The following FXR1 variants were observed in gnomAD, a reference collection of about 807,000 sequenced individuals.
FXR1 encodes FMR1 autosomal homolog 1.
FXR1 carries 15 observed loss-of-function variants against 84.0 expected under a neutral mutation model. That is an observed-to-expected ratio of 0.18 (90% confidence interval 0.12 to 0.27). The LOEUF (loss-of-function observed/expected upper bound fraction) is 0.27, where lower values mean the gene tolerates loss of function less well. Ranked by LOEUF, FXR1 falls within the 10% of genes least tolerant of loss-of-function variation. The pLI is 1.00. For missense variants in FXR1, 480 were observed against 774.4 expected (o/e 0.62, Z 4.51); for synonymous variants, 245 against 250.7 (o/e 0.98, Z 0.21).
At chr3:180,922,677 A>G (rs536617468) in intron 1 of FXR1, among the ~76,000 whole-genome samples, 1 of 152,290 alleles carries the variant, frequency 6.6e-6, no homozygotes, top group East Asian at 1.9e-4. Context: ...CAGTGATAGG[A>G]TCATGGCTCA....
intron 1 of FXR1, among the ~76,000 whole-genome samples, chr3:180,913,491 C>T (rs1445531707): frequency 6.6e-6 from 1 of 152,000 alleles, no homozygotes; most frequent in African/African-American, 2.4e-5. Flanking sequence ...ATATCACTGC[C>T]CCTGTTTTTG....
intron 1 of FXR1, among the ~76,000 whole-genome samples, chr3:180,923,908 A>G (rs1303750660): frequency 2.6e-5 from 4 of 152,152 alleles, no homozygotes; most frequent in African/African-American, 9.7e-5. Context: ...AAAGTTGCCT[A>G]GATAACGATG....
chr3:180,942,991 G>A (rs1721294518), intron 3 of FXR1, among the ~76,000 whole-genome samples: 1 of 152,078 alleles, frequency 6.6e-6, no homozygotes, highest in Non-Finnish European at 1.5e-5. Context: ...TTCCTAAGAT[G>A]GAGTCTTGCT....
chr3:180,917,175 A>G (rs1331221029), intron 1 of FXR1, among the ~76,000 whole-genome samples: 2 of 152,186 alleles, frequency 1.3e-5, no homozygotes. Flanking sequence ...TCCACCGTGT[A>G]ACTGTCTACA....
rs1714546068 is a variant in FXR1 at position 180,980,234 on chromosome 3, C to T, written c.*3942C>T. 6.6e-6 allele frequency: 1 copy of T among 152,130 alleles called. No individual in the cohort carries two copies. The highest frequency in any genetic ancestry group is 2.4e-5 in the African/African-American group (1 of 41,518). 9.4% of individuals were successfully genotyped at this position (152,130 alleles called of 1,614,324 possible). On this transcript the variant is annotated 3_prime_UTR_variant, in exon 17 of 17. Coordinates refer to ENST00000357559, the MANE Select transcript of FXR1 (RefSeq NM_005087.4). ...GTGGTGTTTGTTTTACATATGTATCCATCCCAGACATTTTCAACTATGCTG... is the reference window on the plus strand; with the variant it reads ...GTGGTGTTTGTTTTACATATGTATCTATCCCAGACATTTTCAACTATGCTG...
At chr3:180,930,597 T>C (rs866364395) in intron 1 of FXR1, among the ~76,000 whole-genome samples, 19 of 152,332 alleles carry the variant, frequency 1.2e-4, no homozygotes, top group South Asian at 8.3e-4. Flanking sequence ...AAAATATGGC[T>C]GTCTTCTGAT....
chr3:180,914,761 A>G (rs1717678143), intron 1 of FXR1: 13 of 935,976 alleles, frequency 1.4e-5, no homozygotes, highest in Non-Finnish European at 1.7e-5. Flanking sequence ...CTTTGACTCC[A>G]TTACTCATTT....
In FXR1 at chr3:180,961,469, G is replaced by T; in HGVS notation, c.992G>T (p.Gly331Val). ...ATACTTTTTTTTTTTTTTAAACAGG[G>T]TATGGTTCCATTTGTATTTGTTGGC... Reference protein sequence around the residue: ...DNENKLPREDGMVPFVFVGTK... With the variant: ...DNENKLPREDVMVPFVFVGTK... Residue 331 changes from glycine to valine, a missense_variant and splice_region_variant, in exon 11 of 17, where the codon GGT (glycine) becomes GTT (valine). Gly to Val is a moderately radical substitution (Grantham distance 109). Around this residue, in one of 6 missense-constraint regions of FXR1, gnomAD observed 33 missense variants for 42.4 expected, o/e 0.78. Transcript: ENST00000357559. 6.7e-7 allele frequency: 1 copy of T among 1,492,382 alleles called. No homozygotes were observed. Among genetic ancestry groups the T allele is most frequent in the Non-Finnish European group, 9.3e-7 (1 of 1,074,662 alleles). 92.4% of individuals were successfully genotyped at this position (1,492,382 alleles called of 1,614,324 possible). A position where few individuals can be genotyped will look rare whatever the true frequency, so the allele number is the denominator to read the frequency against.
intron 11 of FXR1, among the ~76,000 whole-genome samples, chr3:180,962,650 CT>C (rs1440249354): frequency 6.6e-6 from 1 of 152,048 alleles, no homozygotes; most frequent in East Asian, 1.9e-4. Flanking sequence ...TCCATGTCTT[CT>C]TTTATATTGT....
rs1714422173 is a variant in FXR1 at position 180,978,365 on chromosome 3, C to CT, written c.*2074dup. 2 of 152,074 alleles carry CT rather than the reference C, an allele frequency of 1.3e-5. No individual in the cohort carries two copies. Among genetic ancestry groups the CT allele is most frequent in the South Asian group, 4.1e-4 (2 of 4,826 alleles). 9.4% of individuals were successfully genotyped at this position (152,074 alleles called of 1,614,324 possible). A position where few individuals can be genotyped will look rare whatever the true frequency, so the allele number is the denominator to read the frequency against. Reference sequence around the variant, plus strand: ...ACTAAGTTCATTACTTTACAAATGACTAAACCCAATGTCTTGTCCTTTAAA... The same window carrying CT: ...ACTAAGTTCATTACTTTACAAATGACTTAAACCCAATGTCTTGTCCTTTAAA... On this transcript the variant is annotated 3_prime_UTR_variant, in exon 17 of 17. Coordinates refer to ENST00000357559, the MANE Select transcript of FXR1 (RefSeq NM_005087.4).
chr3:180,926,506 A>ATATATATTTTTTTTTTTT (rs72192827), intron 1 of FXR1, among the ~76,000 whole-genome samples: 1 of 124,394 alleles, frequency 8.0e-6, no homozygotes, highest in African/African-American at 2.9e-5. Context: ...ATATATATAT[A>ATATATATTTTTTTTTTTT]TTTTTTTTTC....
At chr3:180,924,270 T>A (rs896205946) in intron 1 of FXR1, among the ~76,000 whole-genome samples, 89 of 152,252 alleles carry the variant, frequency 5.8e-4, no homozygotes, top group African/African-American at 2.1e-3. Context: ...GTTTCTTATC[T>A]GAACTATAAA....
At chr3:180,919,271 A>G (rs866436050) in intron 1 of FXR1, among the ~76,000 whole-genome samples, 12 of 139,018 alleles carry the variant, frequency 8.6e-5, no homozygotes, top group African/African-American at 3.1e-4. Flanking sequence ...CCTAAATTTT[A>G]TTTTTTTTTT....
At chr3:180,949,412 A>G (rs1721994079) in intron 7 of FXR1, 69 bp downstream of exon 7, 1 of 826,770 alleles carries the variant, frequency 1.2e-6, no homozygotes, top group Non-Finnish European at 2.1e-6. Context: ...TTGGAGACAG[A>G]TTCTGGCTCT....
At chr3:180,930,629 T>C (rs1238599294) in intron 1 of FXR1, among the ~76,000 whole-genome samples, 1 of 152,180 alleles carries the variant, frequency 6.6e-6, no homozygotes, top group African/African-American at 2.4e-5. Flanking sequence ...TTTACTAATA[T>C]TCATAAACAT....
intron 1 of FXR1, among the ~76,000 whole-genome samples, chr3:180,923,396 A>T (rs1718804126): frequency 1.3e-5 from 2 of 152,088 alleles, no homozygotes; most frequent in South Asian, 4.1e-4. Flanking sequence ...CCAGTTAGGG[A>T]TCTTATTTTC....
Position 180,963,090 on chromosome 3 carries a change from G to A in FXR1, c.1198G>A (p.Gly400Ser). The stretch of plus-strand genomic sequence containing the variant: ...GGGACCTAATTACACCTCCGGTTAT[G>A]GTAAAAAAAAATTTTTTTTTTTTTT... Reference protein sequence around the residue: ...RRGPNYTSGYGTNSELSNPSE... With the variant: ...RRGPNYTSGYSTNSELSNPSE... Residue 400 changes from glycine (G) to serine (S), a missense_variant and splice_region_variant, in exon 13 of 17, where the codon GGT becomes AGT. Around this residue, in one of 6 missense-constraint regions of FXR1, gnomAD observed 157 missense variants for 227.8 expected, o/e 0.69. Coordinates refer to ENST00000357559, the MANE Select transcript of FXR1 (RefSeq NM_005087.4). The A allele has an allele frequency of 7.1e-7, 1 of 1,404,718 alleles. No homozygotes were observed. The highest frequency in any genetic ancestry group is 9.8e-7 in the Non-Finnish European group (1 of 1,018,566). 87.0% of individuals were successfully genotyped at this position (1,404,718 alleles called of 1,614,324 possible). A position where few individuals can be genotyped will look rare whatever the true frequency, so the allele number is the denominator to read the frequency against.
chr3:180,941,157 C>CT (rs764407614), intron 3 of FXR1, among the ~76,000 whole-genome samples: 2 of 150,980 alleles, frequency 1.3e-5, no homozygotes, highest in Non-Finnish European at 2.9e-5. Flanking sequence ...TAAGACACTC[C>CT]TTTCTTTTAC....
At position 180,952,603 on chromosome 3, in the gene FXR1, T is replaced by TA. The variant is rs973535994; in HGVS notation, c.801+1136dup. Among the ~76,000 whole-genome samples the TA allele has an allele frequency of 1.1e-4, 16 of 152,024 alleles. No homozygotes were observed. In the East Asian group the frequency reaches 3.1e-3, roughly 29 times the overall value. ...AAAAAAAAAAGACGAGCTTTGGAGC[T>TA]ATACTGCCTGGATTGGAATTCACTT... On this transcript the variant is annotated intron_variant, in intron 8 of 16. Transcript: ENST00000357559.
Sources: allele counts gnomAD v4.1 joint callset (sites outside exome capture counted in the v4.1 genomes callset), GRCh38; gene constraint gnomAD v4.1.1; regional missense constraint gnomAD v4.1.1; transcripts MANE v1.5; gene names NCBI Gene and HGNC (gene_info 2026-07-23, HGNC 2026-07-21).